PTPRD: variants seen among roughly 807,000 people sequenced by gnomAD.
PTPRD encodes protein tyrosine phosphatase receptor type D, also known as receptor-type tyrosine-protein phosphatase delta.
A neutral mutation model predicts 214.5 loss-of-function variants in PTPRD; 34 were observed. The ratio of observed to expected loss-of-function variants is 0.16; its 90% confidence interval spans 0.12 to 0.21. The LOEUF is 0.21. Ranked by LOEUF, PTPRD falls within the 10% of genes least tolerant of loss-of-function variation. The pLI, the probability that PTPRD is intolerant of heterozygous loss-of-function variation, is 1.00. For missense variants in PTPRD, 2,545 were observed against 2,398.7 expected (o/e 1.06, Z -1.27); for synonymous variants, 1,128 against 845.7 (o/e 1.33, Z -5.79).
chr9:9,722,603 C>G (rs968863774), intron 7 of PTPRD, among the ~76,000 whole-genome samples: 5 of 152,098 alleles, frequency 3.3e-5, no homozygotes, highest in African/African-American at 1.2e-4. Flanking sequence ...ATTTCCAAGT[C>G]ACGTAGTAAT....
intron 3 of PTPRD, among the ~76,000 whole-genome samples, chr9:10,131,151 T>C (rs1025987399): frequency 6.6e-6 from 1 of 152,108 alleles, no homozygotes. Flanking sequence ...AGAGTGAGGA[T>C]GGAGCAAATC....
At chr9:10,370,282 T>G (rs1033135279) in intron 2 of PTPRD, among the ~76,000 whole-genome samples, 3 of 152,102 alleles carry the variant, frequency 2.0e-5, no homozygotes, top group African/African-American at 7.2e-5. Context: ...AAAGGAAGTA[T>G]TAGAACGCAT....
intron 12 of PTPRD, among the ~76,000 whole-genome samples, chr9:8,648,348 T>C (rs1337823573): frequency 6.6e-6 from 1 of 152,212 alleles, no homozygotes; most frequent in Non-Finnish European, 1.5e-5. Flanking sequence ...TTGATGTGCT[T>C]AGTAAGGCTG....
At chr9:8,891,902 A>G (rs911879660) in intron 11 of PTPRD, among the ~76,000 whole-genome samples, 1 of 152,184 alleles carries the variant, frequency 6.6e-6, no homozygotes, top group Non-Finnish European at 1.5e-5. Flanking sequence ...TGTCTCTTGT[A>G]TAAGACTTAA....
intron 9 of PTPRD, among the ~76,000 whole-genome samples, chr9:9,306,906 AG>A (rs1714068076): frequency 6.6e-6 from 1 of 152,230 alleles, no homozygotes; most frequent in Non-Finnish European, 1.5e-5. Context: ...ATATCTCAAA[AG>A]CAGAGATTAA....
chr9:10,176,743 C>T (rs528187447), intron 3 of PTPRD, among the ~76,000 whole-genome samples: 1 of 152,042 alleles, frequency 6.6e-6, no homozygotes, highest in African/African-American at 2.4e-5. Flanking sequence ...AAAAGACAAG[C>T]TCCAGTTGAG....
chr9:10,396,059 T>A (rs2154493565), intron 2 of PTPRD, among the ~76,000 whole-genome samples: 1 of 151,752 alleles, frequency 6.6e-6, no homozygotes, highest in African/African-American at 2.4e-5. Context: ...ACGTTCCAGT[T>A]TTCAGTTCCA....
At chr9:8,433,077 G>A (rs945536308) in intron 35 of PTPRD, among the ~76,000 whole-genome samples, 5 of 152,210 alleles carry the variant, frequency 3.3e-5, no homozygotes, top group Admixed American at 6.5e-5. Context: ...TTGCTTGAGT[G>A]ATGGTTTTAT....
intron 14 of PTPRD, among the ~76,000 whole-genome samples, chr9:8,611,876 G>A (rs923668853): frequency 1.3e-5 from 2 of 148,370 alleles, no homozygotes; most frequent in African/African-American, 2.5e-5. Flanking sequence ...CCAGAAAGAT[G>A]ATGTTTCAAT....
At chr9:8,712,887 T>C (rs769356137) in intron 12 of PTPRD, among the ~76,000 whole-genome samples, 9 of 152,042 alleles carry the variant, frequency 5.9e-5, no homozygotes, top group Non-Finnish European at 1.0e-4. Context: ...CCTGACTAAT[T>C]TTTGTATTTT....
At chr9:10,414,899 A>T (rs929179653) in intron 2 of PTPRD, among the ~76,000 whole-genome samples, 16 of 151,778 alleles carry the variant, frequency 1.1e-4, no homozygotes, top group Non-Finnish European at 2.4e-4. Context: ...GGATACAAAG[A>T]AAGGAAAAAC....
intron 9 of PTPRD, among the ~76,000 whole-genome samples, chr9:9,189,189 C>T (rs765032866): frequency 8.5e-5 from 13 of 152,062 alleles, no homozygotes; most frequent in Admixed American, 2.6e-4. Context: ...TTATGATTAT[C>T]ACATAGAAGG....
chr9:9,626,896 T>A (rs866929217), intron 7 of PTPRD, among the ~76,000 whole-genome samples: 1 of 151,968 alleles, frequency 6.6e-6, no homozygotes, highest in African/African-American at 2.4e-5. Flanking sequence ...GAAGGAAAAA[T>A]GGGAGAAGCA....
chr9:9,857,589 G>C (rs188717241), intron 5 of PTPRD, among the ~76,000 whole-genome samples: 2 of 152,092 alleles, frequency 1.3e-5, no homozygotes, highest in Non-Finnish European at 2.9e-5. Context: ...AAATCATGGA[G>C]TCCATATTAC....
chr9:9,005,529 C>G lies in PTPRD; in HGVS notation c.-104+13168G>C, dbSNP rs187959269. On this transcript the variant is annotated intron_variant, in intron 11 of 45. Coordinates refer to ENST00000381196, the MANE Select transcript of PTPRD (RefSeq NM_002839.4). Reference sequence around the variant, plus strand: ...CATCCTGAATGAACCACCCAACTTTCACAGATCATTTAAAAAGGGGCCTGC... The same window carrying G: ...CATCCTGAATGAACCACCCAACTTTGACAGATCATTTAAAAAGGGGCCTGC... Among the ~76,000 whole-genome samples the G allele has an allele frequency of 6.5e-4, 99 of 152,114 alleles. 1 individual carries two copies. The highest frequency in any genetic ancestry group is 2.3e-3 in the African/African-American group (94 of 41,520).
At chr9:10,417,771 G>C (rs996123961) in intron 2 of PTPRD, among the ~76,000 whole-genome samples, 1 of 151,928 alleles carries the variant, frequency 6.6e-6, no homozygotes, top group South Asian at 2.1e-4. Context: ...AAGACAAGGA[G>C]CTCTGAATAT....
chr9:8,427,549 C>A (rs1164426785), intron 35 of PTPRD, among the ~76,000 whole-genome samples: 2 of 151,938 alleles, frequency 1.3e-5, no homozygotes, highest in Non-Finnish European at 2.9e-5. Context: ...AACACCTGAC[C>A]CAGAGAGGCT....
chr9:9,945,101 T>C (rs1387224354), intron 4 of PTPRD, among the ~76,000 whole-genome samples: 2 of 152,160 alleles, frequency 1.3e-5, no homozygotes, highest in South Asian at 2.1e-4. Context: ...TATAACTGTA[T>C]AGTTTTAGAT....
At chr9:9,597,917 C>A (rs113727064) in intron 7 of PTPRD, among the ~76,000 whole-genome samples, 1 of 151,962 alleles carries the variant, frequency 6.6e-6, no homozygotes, top group African/African-American at 2.4e-5. Context: ...CCCTAATTTT[C>A]TGTGATATCC....
Sources: gnomAD v4.1 joint callset for allele counts (sites outside exome capture counted in the v4.1 genomes callset) on GRCh38, gnomAD v4.1.1 for gene constraint, MANE v1.5 for transcripts, NCBI Gene and HGNC (gene_info 2026-07-23, HGNC 2026-07-21) for gene names.